The following FER1L6 variants were observed in gnomAD, a reference collection of about 807,000 sequenced individuals.
FER1L6 encodes the protein fer-1-like protein 6.
Under a neutral mutation model 219.2 loss-of-function variants are expected in FER1L6, and 177 were observed. The observed-to-expected ratio is 0.81, with a 90% confidence interval of 0.71 to 0.91. The LOEUF (loss-of-function observed/expected upper bound fraction) is 0.91. FER1L6 is among the 40% of genes least tolerant of loss of function. The probability of loss-of-function intolerance (pLI) is 0.00; values close to 1 mark genes in which losing one functional copy is unlikely to be tolerated. For missense variants in FER1L6, 2,153 were observed against 2,259.9 expected (o/e 0.95, Z 0.96); for synonymous variants, 768 against 824.3 (o/e 0.93, Z 1.17).
chr8:124,085,378 T>C (rs1821737041), intron 33 of FER1L6, among the ~76,000 whole-genome samples: 1 of 151,296 alleles, frequency 6.6e-6, no homozygotes, highest in Non-Finnish European at 1.5e-5. Context: ...AACTTTCTTC[T>C]TAGTACTACT....
chr8:124,108,136 G>T (rs1032671478), intron 39 of FER1L6, among the ~76,000 whole-genome samples: 4 of 152,200 alleles, frequency 2.6e-5, no homozygotes, highest in Non-Finnish European at 4.4e-5. Context: ...GAGGCACGAG[G>T]ATCCCTGGAG....
chr8:124,072,306 C>G (rs1821114071), intron 31 of FER1L6, among the ~76,000 whole-genome samples: 2 of 152,298 alleles, frequency 1.3e-5, no homozygotes, highest in South Asian at 4.1e-4. Flanking sequence ...ATGTTAACTC[C>G]TCTAAGCTTC....
chr8:124,094,769 G>T lies in FER1L6; in HGVS notation c.4553-127G>T, dbSNP rs1822201448. 10 of 1,065,598 alleles carry T rather than the reference G, an allele frequency of 9.4e-6. No individual in the cohort carries two copies. The South Asian group carries it at 1.4e-4, about 14-fold the overall frequency. The allele number at this position is 1,065,598 out of a possible 1,614,324, so 66.0% of individuals were successfully genotyped here. Reference sequence around the variant, plus strand: ...CCCAAAGTGCTGGGATTACAGGTGTGAACCACTGCACCCAGCCCCTTGGTA... The same window carrying T: ...CCCAAAGTGCTGGGATTACAGGTGTTAACCACTGCACCCAGCCCCTTGGTA... On this transcript the variant is annotated intron_variant, in intron 34 of 40. Coordinates refer to ENST00000522917, the MANE Select transcript of FER1L6 (RefSeq NM_001039112.2).
At chr8:123,990,426 G>A (rs192463063) in intron 12 of FER1L6, among the ~76,000 whole-genome samples, 2 of 152,194 alleles carry the variant, frequency 1.3e-5, no homozygotes, top group African/African-American at 4.8e-5. Flanking sequence ...TTCTGGCTGG[G>A]GTAGGATGGT....
At chr8:123,956,437 G>C (rs1316325723) in intron 2 of FER1L6, among the ~76,000 whole-genome samples, 2 of 152,194 alleles carry the variant, frequency 1.3e-5, no homozygotes, top group East Asian at 1.9e-4. Context: ...CACAGCTGTG[G>C]GGAAGATCAA....
chr8:124,089,298 T>TCCAACCCGAAGTC (rs1821918840), intron 33 of FER1L6, among the ~76,000 whole-genome samples: 1 of 152,112 alleles, frequency 6.6e-6, no homozygotes, highest in Non-Finnish European at 1.5e-5. Context: ...AGCACTGAGT[T>TCCAACCCGAAGTC]CCAATCCGAA....
intron 1 of FER1L6, among the ~76,000 whole-genome samples, chr8:123,909,405 A>C (rs917003920): frequency 2.6e-5 from 4 of 152,060 alleles, no homozygotes; most frequent in African/African-American, 9.7e-5. Context: ...CTTGTTGAAA[A>C]CAGTTTCTAA....
intron 20 of FER1L6, 137 bp downstream of exon 20, chr8:124,040,143 G>A (rs1420177749): frequency 8.9e-7 from 1 of 1,128,462 alleles, no homozygotes; most frequent in Admixed American, 2.1e-5. Flanking sequence ...AGACTGAAAA[G>A]CGAATATGTG....
intron 39 of FER1L6, 69 bp downstream of exon 39, chr8:124,103,378 A>G: frequency 6.7e-7 from 1 of 1,486,566 alleles, no homozygotes; most frequent in African/African-American, 1.4e-5. Flanking sequence ...CCACTGAGTC[A>G]TTTTGTGAAC....
chr8:123,957,269 G>T (rs1586514390), intron 2 of FER1L6, among the ~76,000 whole-genome samples: 1 of 152,272 alleles, frequency 6.6e-6, no homozygotes, highest in East Asian at 1.9e-4. Flanking sequence ...ATGATTAAGA[G>T]CCTTGGATAG....
Position 124,023,357 on chromosome 8 carries a change from G to A in FER1L6, c.2134-87G>A. On this transcript the variant is annotated intron_variant, in intron 17 of 40. Transcript: ENST00000522917. ...TTTTGTCGAAGAGGGAATATTTCAG[G>A]ATAGCAGAACTCTGCAAGTGCCTTT... 11 of 1,298,146 alleles carry A rather than the reference G, an allele frequency of 8.5e-6. No homozygotes were observed. The South Asian group carries it at 1.4e-4, about 17-fold the overall frequency. 80.4% of individuals were successfully genotyped at this position (1,298,146 alleles called of 1,614,324 possible). A position where few individuals can be genotyped will look rare whatever the true frequency, so the allele number is the denominator to read the frequency against.
chr8:123,964,721 C>T (rs1265745453), intron 3 of FER1L6, among the ~76,000 whole-genome samples: 3 of 152,152 alleles, frequency 2.0e-5, no homozygotes, highest in Admixed American at 2.0e-4. Flanking sequence ...TTTCCTTGGT[C>T]AGAACATTCT....
At chr8:123,911,905 G>T (rs1352508603) in intron 1 of FER1L6, among the ~76,000 whole-genome samples, 1 of 152,154 alleles carries the variant, frequency 6.6e-6, no homozygotes, top group Admixed American at 6.5e-5. Flanking sequence ...TACCCTTCCT[G>T]GGGGGAACAG....
At chr8:124,046,109 C>T in intron 21 of FER1L6, 2 of 508,444 alleles carry the variant, frequency 3.9e-6, no homozygotes, top group Non-Finnish European at 6.8e-6. Context: ...GAGTTTTTCA[C>T]TGACTTCCAT....
At chr8:123,857,184 T>C (rs1816663017) in intron 1 of FER1L6, among the ~76,000 whole-genome samples, 1 of 152,198 alleles carries the variant, frequency 6.6e-6, no homozygotes, top group South Asian at 2.1e-4. Flanking sequence ...AATGTTTTGT[T>C]TTGGTGATCA....
intron 1 of FER1L6, among the ~76,000 whole-genome samples, chr8:123,944,695 A>C (rs1274734471): frequency 1.3e-5 from 2 of 152,168 alleles, no homozygotes; most frequent in Non-Finnish European, 2.9e-5. Flanking sequence ...TCTAGGTCAC[A>C]CACTATATGA....
At chr8:124,016,014 G>A (rs1007488533) in intron 15 of FER1L6, 10 of 152,876 alleles carry the variant, frequency 6.5e-5, no homozygotes, top group African/African-American at 2.2e-4. Flanking sequence ...GGTAAGGGAG[G>A]ATGTCCATAG....
At chr8:123,876,102 G>T (rs1224360144) in intron 1 of FER1L6, among the ~76,000 whole-genome samples, 2 of 152,124 alleles carry the variant, frequency 1.3e-5, no homozygotes, top group African/African-American at 4.8e-5. Context: ...AAGGCCCTCT[G>T]CAGTCTGGCC....
At chr8:123,929,062 G>C (rs1444660015) in intron 1 of FER1L6, among the ~76,000 whole-genome samples, 6 of 152,192 alleles carry the variant, frequency 3.9e-5, no homozygotes, top group Admixed American at 3.9e-4. Context: ...AGGATTAAAA[G>C]ATGATCTATG....
Sources: gnomAD v4.1 joint callset for allele counts (sites outside exome capture counted in the v4.1 genomes callset) on GRCh38, gnomAD v4.1.1 for gene constraint, MANE v1.5 for transcripts, NCBI Gene and HGNC (gene_info 2026-07-23, HGNC 2026-07-21) for gene names.